Variants in TLE2 observed in about 807,000 individuals in gnomAD.
TLE2 encodes the protein transducin-like enhancer protein 2.
Under a neutral mutation model 97.2 loss-of-function variants are expected in TLE2, and 74 were observed. The ratio of observed to expected loss-of-function variants is 0.76; its 90% CI spans 0.63 to 0.92. The LOEUF (loss-of-function observed/expected upper bound fraction) is 0.92, where lower values mean the gene tolerates loss of function less well. Among genes scored for constraint, TLE2 ranks in the 40% least tolerant of loss-of-function variants. The pLI, the probability that TLE2 is intolerant of heterozygous loss-of-function variation, is 0.00. For missense variants in TLE2, 1,038 were observed against 1,008.7 expected, an observed-to-expected ratio of 1.03 and a Z score of -0.39; for synonymous variants, 499 against 432.1, an observed-to-expected ratio of 1.15 and a Z score of -1.92.
Position 3,005,715 on chromosome 19 carries a change from AC to A in TLE2, c.1748+5del, listed in dbSNP as rs1327798096. On this transcript the variant is annotated splice_donor_5th_base_variant and intron_variant, in intron 16 of 19. Transcript: ENST00000262953. The stretch of plus-strand genomic sequence containing the variant: ...TGCCCAAGGTCCCAGCGCACCTGCC[AC>A]CCACCTGACCATAGTCTGATTCTGC... The A allele has an allele frequency of 6.2e-7, 1 of 1,611,420 alleles. No individual in the cohort carries two copies. Among genetic ancestry groups the A allele is most frequent in the Non-Finnish European group, 8.5e-7 (1 of 1,178,036 alleles).
chr19:3,034,880 A>G (rs1469584652), intron 1 of TLE2, among the ~76,000 whole-genome samples: 1 of 152,148 alleles, frequency 6.6e-6, no homozygotes, highest in Non-Finnish European at 1.5e-5. Context: ...GTACCCTCCC[A>G]GGGTCACATA....
At chr19:3,003,976 A>C (rs1393896833) in intron 17 of TLE2, among the ~76,000 whole-genome samples, 1 of 152,026 alleles carries the variant, frequency 6.6e-6, no homozygotes, top group Non-Finnish European at 1.5e-5. Context: ...CAAAGTGCTG[A>C]GATTACAGGC....
intron 5 of TLE2, among the ~76,000 whole-genome samples, chr19:3,023,603 G>A (rs940435132): frequency 1.3e-5 from 2 of 152,042 alleles, no homozygotes; most frequent in Non-Finnish European, 2.9e-5. Context: ...ACAGAAACAG[G>A]GACAGTGCAG....
rs1328956037 is a variant in TLE2, at chr19:3,009,408, A to G, written c.1173+134T>C. Reference sequence around the variant, plus strand: ...ACTGAGACCCCCAGATTGTCTTCCCATGCATACTTGCTGAGCCAGGGCTCC... The same window carrying G: ...ACTGAGACCCCCAGATTGTCTTCCCGTGCATACTTGCTGAGCCAGGGCTCC... On this transcript the variant is annotated intron_variant, in intron 13 of 19. Coordinates refer to ENST00000262953, the MANE Select transcript of TLE2 (RefSeq NM_003260.5). The G allele has an allele frequency of 2.7e-6, 3 of 1,101,288 alleles. No individual in the cohort carries two copies. In the Admixed American group the frequency reaches 9.5e-5, roughly 35 times the overall value. 68.2% of individuals were successfully genotyped at this position (1,101,288 alleles called of 1,614,324 possible).
chr19:3,019,022 C>T lies in TLE2; in HGVS notation c.550+261G>A, dbSNP rs1478997876. Among the ~76,000 whole-genome samples, 2 of 152,170 alleles carry T rather than the reference C, an allele frequency of 1.3e-5. No individual in the cohort carries two copies. Among genetic ancestry groups the T allele is most frequent in the Non-Finnish European group, 2.9e-5 (2 of 68,030 alleles). On this transcript the variant is annotated intron_variant, in intron 7 of 19. Coordinates refer to ENST00000262953, the MANE Select transcript of TLE2 (RefSeq NM_003260.5). This position sits in a 1 kb window ranked among gnomAD's most constrained non-coding sequence, Gnocchi z 5.1. ...CAAGTGATCCTCCTGCCTCGGCCTC[C>T]TAAGTACCTGGGAATACAGGTGTGC...
upstream of TLE2, among the ~76,000 whole-genome samples, chr19:3,032,701 C>A (rs571627638): frequency 6.6e-6 from 1 of 152,026 alleles, no homozygotes; most frequent in African/African-American, 2.4e-5. The surrounding 1 kb of genome is among the most constrained non-coding windows in gnomAD (Gnocchi z 4.1). Context: ...CAGAAACCGC[C>A]GGCCACACTC....
At chr19:3,015,822 G>T in intron 8 of TLE2, 62 bp from the exon 9 acceptor site, 1 of 1,285,592 alleles carries the variant, frequency 7.8e-7, no homozygotes, top group Non-Finnish European at 1.1e-6. Flanking sequence ...AGATTGCATT[G>T]TGATCCAGCC....
chr19:3,029,563 G>GA, upstream of TLE2: 1 of 521,416 alleles, frequency 1.9e-6, no homozygotes, highest in Non-Finnish European at 2.4e-6. Context: ...GGGAGCGGGG[G>GA]GGGGGGCTTG....
upstream of TLE2, among the ~76,000 whole-genome samples, chr19:3,046,417 C>T (rs370003233): frequency 3.5e-4 from 54 of 152,340 alleles, no homozygotes; most frequent in African/African-American, 1.2e-3. Context: ...CCTTTTCCTC[C>T]ACCCCTCCCC....
chr19:3,001,440 G>C (rs926692074), intron 18 of TLE2, among the ~76,000 whole-genome samples: 5 of 148,464 alleles, frequency 3.4e-5, no homozygotes, highest in Non-Finnish European at 7.4e-5. Context: ...TGTTTGTTTG[G>C]TATAAGATAT....
At position 2,997,662 on chromosome 19, in the gene TLE2, T is replaced by G. The variant is rs1568226478; in HGVS notation, c.*186A>C. 3.4e-6 allele frequency: 2 copies of G among 582,136 alleles called. No homozygotes were observed. The highest frequency in any genetic ancestry group is 6.2e-6 in the Non-Finnish European group (2 of 323,146). 36.1% of individuals were successfully genotyped at this position (582,136 alleles called of 1,614,324 possible). A position where few individuals can be genotyped will look rare whatever the true frequency, so the allele number is the denominator to read the frequency against. ...GTGCGGATGTGATAGATACATTTTA[T>G]TTCCACCGAGGTCCCCTGCCCATCG... On this transcript the variant is annotated 3_prime_UTR_variant, in exon 20 of 20. Transcript: ENST00000262953.
At position 3,028,656 on chromosome 19, in the gene TLE2, G is replaced by A. The variant is rs750622230; in HGVS notation, c.122+50C>T. On this transcript the variant is annotated intron_variant, in intron 2 of 19. Coordinates refer to ENST00000262953, the MANE Select transcript of TLE2 (RefSeq NM_003260.5). Reference sequence around the variant, plus strand: ...CCCTATACCCCGGAGGCCTCGCCCCGCCCCGGCGCCCAGGTGAACTCCCGC... The same window carrying A: ...CCCTATACCCCGGAGGCCTCGCCCCACCCCGGCGCCCAGGTGAACTCCCGC... 1 of 1,588,718 alleles carries A rather than the reference G, an allele frequency of 6.3e-7. No individual in the cohort carries two copies. The highest frequency in any genetic ancestry group is 8.6e-7 in the Non-Finnish European group (1 of 1,161,718).
chr19:3,035,418 GGAA>G (rs2090054521), intron 1 of TLE2, among the ~76,000 whole-genome samples: 1 of 152,012 alleles, frequency 6.6e-6, no homozygotes, highest in African/African-American at 2.4e-5. Flanking sequence ...GCACCATCAG[GGAA>G]GAAGCTGCCA....
At chr19:3,018,387 G>A (rs1316973137) in intron 7 of TLE2, among the ~76,000 whole-genome samples, 1 of 151,934 alleles carries the variant, frequency 6.6e-6, no homozygotes, top group Non-Finnish European at 1.5e-5. Flanking sequence ...CTGCCTCCCA[G>A]GTTCAAGCAA....
intron 5 of TLE2, among the ~76,000 whole-genome samples, chr19:3,021,105 AAAAAAAAAAG>A (rs2089830032): frequency 8.3e-6 from 1 of 120,918 alleles, no homozygotes; most frequent in African/African-American, 3.1e-5. Context: ...AAAAAAAAAA[AAAAAAAAAAG>A]GGGGGGGGGT....
At chr19:3,045,177 G>C (rs2145239754) in intron 1 of TLE2, among the ~76,000 whole-genome samples, 1 of 152,342 alleles carries the variant, frequency 6.6e-6, no homozygotes, top group South Asian at 2.1e-4. Flanking sequence ...TAGCGCCACT[G>C]AACTTCAGCC....
In TLE2 at chr19:3,000,643, G is replaced by C. The variant is rs1257183064; in HGVS notation, c.2124+4C>G. 6.3e-7 allele frequency: 1 copy of C among 1,580,608 alleles called. No homozygotes were observed. Among genetic ancestry groups the C allele is most frequent in the Non-Finnish European group, 8.6e-7 (1 of 1,163,832 alleles). On this transcript the variant is annotated splice_donor_region_variant and intron_variant, in intron 19 of 19. Coordinates refer to ENST00000262953, the MANE Select transcript of TLE2 (RefSeq NM_003260.5). ...CAGAGTGGGGGCTCCAGACCGCCGAGTACCTGGAAAATGCTGGCCCCGTAC... is the reference window on the plus strand; with the variant it reads ...CAGAGTGGGGGCTCCAGACCGCCGACTACCTGGAAAATGCTGGCCCCGTAC...
At chr19:3,001,202 C>T (rs548093784) in intron 18 of TLE2, among the ~76,000 whole-genome samples, 4 of 151,484 alleles carry the variant, frequency 2.6e-5, no homozygotes, top group South Asian at 2.1e-4. Context: ...GAACCCAGGA[C>T]GCAGAGGTTG....
intron 15 of TLE2, 125 bp downstream of exon 15, chr19:3,006,295 T>C: frequency 7.0e-7 from 1 of 1,424,882 alleles, no homozygotes; most frequent in Admixed American, 1.9e-5. Context: ...GCTCCGCCCC[T>C]CACCTATAAG....
Sources: allele counts gnomAD v4.1 joint callset (sites outside exome capture counted in the v4.1 genomes callset), GRCh38; gene constraint gnomAD v4.1.1; non-coding constraint Gnocchi (gnomAD v3.1); transcripts MANE v1.5; gene names NCBI Gene and HGNC (gene_info 2026-07-23, HGNC 2026-07-21).